The following ZDHHC11 variants were observed in gnomAD, a reference collection of about 807,000 sequenced individuals.
ZDHHC11 encodes palmitoyltransferase ZDHHC11.
ZDHHC11 carries 44 observed loss-of-function variants against 51.3 expected under a neutral mutation model. The observed-to-expected ratio is 0.86, with a 90% CI of 0.67 to 1.10. The LOEUF (loss-of-function observed/expected upper bound fraction) is 1.10. ZDHHC11 is among the 50% of genes least tolerant of loss of function. The pLI, the probability that ZDHHC11 is intolerant of heterozygous loss-of-function variation, is 0.00. For missense variants in ZDHHC11, 400 were observed against 537.7 expected, an observed-to-expected ratio of 0.74 and a Z score of 2.53; for synonymous variants, 163 against 222.0, an observed-to-expected ratio of 0.73 and a Z score of 2.36.
upstream of ZDHHC11, among the ~76,000 whole-genome samples, chr5:853,073 C>G (rs191813337): frequency 4.2e-4 from 61 of 146,234 alleles, no homozygotes; most frequent in African/African-American, 1.4e-3. Flanking sequence ...GTGGACAGAC[C>G]CCATGGAGGA....
Position 850,618 on chromosome 5 carries a change from G to C in ZDHHC11, c.-16C>G. 6 of 1,611,676 alleles carry C rather than the reference G, an allele frequency of 3.7e-6. No homozygotes were observed. Among genetic ancestry groups the C allele is most frequent in the Non-Finnish European group, 5.1e-6 (6 of 1,179,034 alleles). On this transcript the variant is annotated 5_prime_UTR_variant, in exon 1 of 13. Transcript: ENST00000283441. ...GGGTGTCCATCTGCAGGACACAGAA[G>C]GGGAGGACCTGCGCCGTCAGATCCT...
At chr5:848,807 T>TGGCCCTGCTCACAC in intron 1 of ZDHHC11, 147 bp from the exon 2 acceptor site, 1 of 1,240,950 alleles carries the variant, frequency 8.1e-7, no homozygotes, top group South Asian at 1.5e-5. Context: ...CACCCAGGCC[T>TGGCCCTGCTCACAC]GGCCCTGCTC....
intron 3 of ZDHHC11, among the ~76,000 whole-genome samples, chr5:846,578 A>T (rs369498348): frequency 2.3e-4 from 33 of 144,932 alleles, no homozygotes; most frequent in African/African-American, 8.9e-4. Flanking sequence ...CTCAGGGGAA[A>T]CACCTCTCGT....
chr5:805,078 T>A (rs1229940586), intron 11 of ZDHHC11, among the ~76,000 whole-genome samples: 7 of 151,440 alleles, frequency 4.6e-5, no homozygotes, highest in African/African-American at 7.3e-5. Context: ...AAAGATGTAA[T>A]CAATGACAAC....
intron 5 of ZDHHC11, chr5:840,067 T>G (rs1358897200): frequency 3.3e-6 from 2 of 604,216 alleles, no homozygotes; most frequent in East Asian, 5.5e-5. Context: ...GTTGTTTGGT[T>G]AGTGGGTGAC....
intron 11 of ZDHHC11, among the ~76,000 whole-genome samples, chr5:808,927 T>C (rs1222966834): frequency 6.7e-6 from 1 of 149,802 alleles, no homozygotes; most frequent in African/African-American, 2.4e-5. Context: ...CTTGATCTCC[T>C]GTCCTCTTTA....
At chr5:859,839 C>T (rs369579908), upstream of ZDHHC11, among the ~76,000 whole-genome samples, 7 of 151,576 alleles carry the variant, frequency 4.6e-5, no homozygotes, top group South Asian at 6.2e-4. Context: ...ATTTCCAGTT[C>T]GTGTCGGTTG....
chr5:798,923 A>G (rs1314221695), intron 12 of ZDHHC11, among the ~76,000 whole-genome samples: 2 of 152,192 alleles, frequency 1.3e-5, no homozygotes, highest in Non-Finnish European at 2.9e-5. Flanking sequence ...ATGTGACCTG[A>G]AATTATCTGC....
chr5:851,399 C>A (rs192000532), upstream of ZDHHC11, among the ~76,000 whole-genome samples: 1 of 151,654 alleles, frequency 6.6e-6, no homozygotes, highest in Non-Finnish European at 1.5e-5. Flanking sequence ...CACTCAACGG[C>A]CGCTACGGGG....
intron 12 of ZDHHC11, among the ~76,000 whole-genome samples, chr5:799,178 GGAGT>G (rs1738050877): frequency 6.6e-6 from 1 of 151,656 alleles, no homozygotes; most frequent in Admixed American, 6.6e-5. Flanking sequence ...CCCTCTGAAG[GGAGT>G]GAGTTCATGC....
At chr5:856,130 C>G (rs1201808518) in intron 1 of ZDHHC11, among the ~76,000 whole-genome samples, 1 of 152,092 alleles carries the variant, frequency 6.6e-6, no homozygotes, top group African/African-American at 2.4e-5. Context: ...TAAGCACGTT[C>G]ATATACCACA....
rs1278559571 is a variant in ZDHHC11 at position 814,212 on chromosome 5, G to A, written c.1181+549C>T. ...TCCTGTACTTGAGATTCTCTGGGAAGAATATGCATTTGTCATGGCTGTACA... is the reference window on the plus strand; with the variant it reads ...TCCTGTACTTGAGATTCTCTGGGAAAAATATGCATTTGTCATGGCTGTACA... On this transcript the variant is annotated intron_variant, in intron 11 of 12. Coordinates refer to ENST00000283441, the MANE Select transcript of ZDHHC11 (RefSeq NM_024786.3). 4.0e-5 allele frequency among the ~76,000 whole-genome samples: 6 copies of A among 148,870 alleles called. No homozygotes were observed. The East Asian group carries it at 9.9e-4, about 24-fold the overall frequency.
At chr5:857,530 C>T (rs1437618206) in intron 1 of ZDHHC11, among the ~76,000 whole-genome samples, 1 of 150,558 alleles carries the variant, frequency 6.6e-6, no homozygotes. Context: ...GACACCAGGC[C>T]CCTAGAGTCT....
intron 10 of ZDHHC11, among the ~76,000 whole-genome samples, chr5:815,480 TGGC>T (rs1480467302): frequency 2.0e-5 from 3 of 151,664 alleles, no homozygotes; most frequent in Non-Finnish European, 4.4e-5. Context: ...CTCGCCAATG[TGGC>T]ATCATCTTTC....
intron 12 of ZDHHC11, among the ~76,000 whole-genome samples, 154 bp from the exon 13 acceptor site, chr5:796,734 A>G (rs1289663022): frequency 6.6e-6 from 1 of 152,060 alleles, no homozygotes; most frequent in Admixed American, 6.5e-5. Context: ...GCTTAGACAC[A>G]GAGCCCCACT....
At chr5:810,982 G>C (rs533476862) in intron 11 of ZDHHC11, among the ~76,000 whole-genome samples, 1 of 150,080 alleles carries the variant, frequency 6.7e-6, no homozygotes, top group East Asian at 2.0e-4. Flanking sequence ...CTAATACACA[G>C]AAAAAATGTT....
intron 4 of ZDHHC11, among the ~76,000 whole-genome samples, chr5:843,186 G>A (rs558080131): frequency 7.7e-3 from 1,173 of 152,134 alleles, no homozygotes; most frequent in African/African-American, 0.026. Flanking sequence ...CTACAGCCCA[G>A]CACCCTCAGC....
At chr5:836,479 G>C (rs1743871752) in intron 6 of ZDHHC11, among the ~76,000 whole-genome samples, 1 of 150,266 alleles carries the variant, frequency 6.7e-6, no homozygotes, top group African/African-American at 2.5e-5. Flanking sequence ...ATCTGGTTTG[G>C]TGTCAGGTTG....
intron 11 of ZDHHC11, among the ~76,000 whole-genome samples, chr5:804,944 C>A (rs1285618387): frequency 6.6e-6 from 1 of 151,272 alleles, no homozygotes; most frequent in African/African-American, 2.4e-5. Flanking sequence ...AAATAAAGAA[C>A]ACAGGTAAAT....
Sources: allele counts gnomAD v4.1 joint callset (sites outside exome capture counted in the v4.1 genomes callset), GRCh38; gene constraint gnomAD v4.1.1; transcripts MANE v1.5; gene names NCBI Gene and HGNC (gene_info 2026-07-23, HGNC 2026-07-21).